Variants in GRIN2A observed in about 807,000 individuals in gnomAD.
GRIN2A encodes glutamate ionotropic receptor NMDA type subunit 2A, also known as glutamate receptor ionotropic, NMDA 2A.
In GRIN2A, 22 loss-of-function variants were observed where a neutral mutation model predicts 113.4. The ratio of observed to expected loss-of-function variants is 0.19; its 90% CI spans 0.14 to 0.28. The LOEUF is 0.28. GRIN2A is among the 10% of genes least tolerant of loss of function. The pLI, the probability that GRIN2A is intolerant of heterozygous loss-of-function variation, is 1.00. For synonymous variants in GRIN2A, 827 were observed against 738.4 expected (o/e 1.12, Z -1.94); for missense variants, 1,502 against 1,887.0 (o/e 0.80, Z 3.78).
At chr16:10,151,649 T>G (rs146204429) in intron 2 of GRIN2A, among the ~76,000 whole-genome samples, 1 of 152,256 alleles carries the variant, frequency 6.6e-6, no homozygotes, top group Non-Finnish European at 1.5e-5. Flanking sequence ...GGCTGGAAAA[T>G]TAAAAGTTTC....
At chr16:9,908,893 A>G (rs2044079225) in intron 3 of GRIN2A, among the ~76,000 whole-genome samples, 1 of 152,178 alleles carries the variant, frequency 6.6e-6, no homozygotes, top group Non-Finnish European at 1.5e-5. Flanking sequence ...AAAGTAGGTC[A>G]GTTTCAGAGC....
chr16:9,772,801 T>C (rs887456109), intron 11 of GRIN2A, among the ~76,000 whole-genome samples: 2 of 151,888 alleles, frequency 1.3e-5, no homozygotes, highest in Non-Finnish European at 2.9e-5. Context: ...GAGGGCAGTC[T>C]GATATAAGAA....
chr16:10,090,005 T>C (rs1296224745), intron 2 of GRIN2A, among the ~76,000 whole-genome samples: 1 of 152,186 alleles, frequency 6.6e-6, no homozygotes, highest in African/African-American at 2.4e-5. Flanking sequence ...ACATAGATGA[T>C]ACCATGTGAT....
intron 2 of GRIN2A, among the ~76,000 whole-genome samples, chr16:10,178,973 G>C (rs1462537065): frequency 6.6e-6 from 1 of 152,218 alleles, no homozygotes; most frequent in Non-Finnish European, 1.5e-5. Flanking sequence ...TTAGAGGACA[G>C]TACACACACA....
chr16:9,839,002 A>G (rs1372422891), intron 7 of GRIN2A, among the ~76,000 whole-genome samples: 1 of 152,210 alleles, frequency 6.6e-6, no homozygotes, highest in Non-Finnish European at 1.5e-5. Context: ...CTTCACCACT[A>G]TATAATTCGT....
chr16:10,148,835 C>A (rs1220853079), intron 2 of GRIN2A, among the ~76,000 whole-genome samples: 1 of 152,134 alleles, frequency 6.6e-6, no homozygotes, highest in Non-Finnish European at 1.5e-5. Flanking sequence ...TGTCTACCAA[C>A]AGATGAATAA....
At chr16:9,987,217 C>T (rs147393153) in intron 2 of GRIN2A, among the ~76,000 whole-genome samples, 48 of 152,324 alleles carry the variant, frequency 3.2e-4, no homozygotes, top group African/African-American at 1.1e-3. Context: ...CTAACCCTAA[C>T]CCTAACATGG....
chr16:10,131,745 T>C (rs574804560), intron 2 of GRIN2A, among the ~76,000 whole-genome samples: 1 of 152,300 alleles, frequency 6.6e-6, no homozygotes, highest in Admixed American at 6.5e-5. Flanking sequence ...CCTGAGTGCC[T>C]GCTGTTCTTT....
chr16:9,799,359 A>T (rs1026996482), intron 10 of GRIN2A, among the ~76,000 whole-genome samples: 5 of 152,188 alleles, frequency 3.3e-5, no homozygotes, highest in African/African-American at 7.2e-5. Flanking sequence ...AAGCCAAGGA[A>T]CTACCAGAAG....
At chr16:10,160,677 C>T (rs979838280) in intron 2 of GRIN2A, among the ~76,000 whole-genome samples, 5 of 152,120 alleles carry the variant, frequency 3.3e-5, no homozygotes, top group African/African-American at 9.7e-5. Context: ...CCGGTTGCAC[C>T]GCCCCAAATT....
chr16:9,858,693 G>A (rs559183158), intron 4 of GRIN2A, among the ~76,000 whole-genome samples: 32 of 152,200 alleles, frequency 2.1e-4, no homozygotes, highest in African/African-American at 5.5e-4. Context: ...TCAGCTCCTA[G>A]AAAGATTTTT....
At chr16:10,165,284 T>A (rs929232215) in intron 2 of GRIN2A, among the ~76,000 whole-genome samples, 1 of 151,902 alleles carries the variant, frequency 6.6e-6, no homozygotes, top group Non-Finnish European at 1.5e-5. Context: ...TAAAATTATA[T>A]AGTGTGTATT....
At chr16:10,015,177 C>T (rs538650127) in intron 2 of GRIN2A, among the ~76,000 whole-genome samples, 32 of 129,644 alleles carry the variant, frequency 2.5e-4, no homozygotes, top group South Asian at 1.6e-3. Context: ...TCACTTGAAC[C>T]GGGAGGCGGA....
intron 5 of GRIN2A, among the ~76,000 whole-genome samples, chr16:9,842,331 A>C (rs1381666081): frequency 6.6e-6 from 1 of 152,242 alleles, no homozygotes; most frequent in Non-Finnish European, 1.5e-5. Context: ...TAGACAATTC[A>C]CATAAGATCA....
At chr16:9,948,885 G>A (rs942150015) in intron 2 of GRIN2A, among the ~76,000 whole-genome samples, 3 of 152,162 alleles carry the variant, frequency 2.0e-5, no homozygotes, top group Non-Finnish European at 4.4e-5. Context: ...GCATGCCAGC[G>A]CTGCAGCTCA....
chr16:9,915,931 C>T (rs9923108), intron 3 of GRIN2A, among the ~76,000 whole-genome samples: 1,875 of 152,320 alleles, frequency 0.012, 41 homozygotes, highest in African/African-American at 0.043. Context: ...ATGCTAATTA[C>T]TGTAGATGTG....
intron 2 of GRIN2A, among the ~76,000 whole-genome samples, chr16:10,147,438 C>A (rs1192459109): frequency 7.6e-6 from 1 of 132,026 alleles, no homozygotes; most frequent in African/African-American, 2.8e-5. Flanking sequence ...GGTGAAACAC[C>A]GTCTCTACTA....
rs564738848 is a variant in GRIN2A, at chr16:10,094,938, A to C, written c.414+85060T>G. Among the ~76,000 whole-genome samples the C allele has an allele frequency of 7.3e-5, 11 of 150,620 alleles. No homozygotes were observed. The South Asian group carries it at 1.0e-3, about 14-fold the overall frequency. ...TTCTAGGGATGGAATTTTGTCCCCT[A>C]CAAATTCATATATTGAAGCCTTAAC... On this transcript the variant is annotated intron_variant, in intron 2 of 12. Transcript: ENST00000330684.
intron 2 of GRIN2A, among the ~76,000 whole-genome samples, chr16:10,036,304 T>TGTC (rs1488166703): frequency 1.3e-5 from 2 of 152,112 alleles, no homozygotes; most frequent in African/African-American, 4.8e-5. Context: ...AAGATCAAGG[T>TGTC]GTCGGTGGTT....
Sources: gnomAD v4.1 joint callset for allele counts (sites outside exome capture counted in the v4.1 genomes callset) on GRCh38, gnomAD v4.1.1 for gene constraint, MANE v1.5 for transcripts, NCBI Gene and HGNC (gene_info 2026-07-23, HGNC 2026-07-21) for gene names.